Variants in CHSY1 observed in about 807,000 individuals in gnomAD.
The protein encoded by CHSY1 is N-acetylgalactosaminyl-proteoglycan 3-beta-glucuronosyltransferase 1.
In CHSY1, 13 loss-of-function variants were observed where a neutral mutation model predicts 59.8. The observed-to-expected ratio is 0.22, with a 90% confidence interval of 0.14 to 0.35. The LOEUF is 0.35. CHSY1 is among the 10% of genes least tolerant of loss of function. The pLI is 1.00. For synonymous variants in CHSY1, 459 were observed against 401.2 expected, an observed-to-expected ratio of 1.14 and a Z score of -1.72; for missense variants, 947 against 1,030.6, an observed-to-expected ratio of 0.92 and a Z score of 1.11.
intron 2 of CHSY1, among the ~76,000 whole-genome samples, chr15:101,181,266 GC>G (rs755144830): frequency 2.6e-5 from 4 of 152,240 alleles, no homozygotes; most frequent in Non-Finnish European, 5.9e-5. Flanking sequence ...CTGAGAGCTA[GC>G]AGAGTCATGA....
chr15:101,195,961 A>C (rs2038502222), intron 2 of CHSY1, among the ~76,000 whole-genome samples: 1 of 152,098 alleles, frequency 6.6e-6, no homozygotes, highest in Non-Finnish European at 1.5e-5. Flanking sequence ...AAAAATGGAC[A>C]TACAAGACCA....
At chr15:101,223,047 G>A (rs576012291) in intron 2 of CHSY1, among the ~76,000 whole-genome samples, 2 of 152,342 alleles carry the variant, frequency 1.3e-5, no homozygotes, top group East Asian at 3.9e-4. Flanking sequence ...AGGCTGTAGT[G>A]CAGTGGCGCT....
At chr15:101,191,119 G>A (rs2038438771) in intron 2 of CHSY1, among the ~76,000 whole-genome samples, 1 of 152,170 alleles carries the variant, frequency 6.6e-6, no homozygotes, top group Non-Finnish European at 1.5e-5. Flanking sequence ...TCTGCATATG[G>A]GCGTTTCCAG....
chr15:101,234,261 T>C (rs1284577421), intron 2 of CHSY1, among the ~76,000 whole-genome samples: 2 of 152,242 alleles, frequency 1.3e-5, no homozygotes, highest in Non-Finnish European at 2.9e-5. Context: ...AGTAACTATC[T>C]GAACAGTCAA....
chr15:101,249,530 T>C (rs1201766212), intron 1 of CHSY1, among the ~76,000 whole-genome samples: 2 of 149,084 alleles, frequency 1.3e-5, no homozygotes, highest in Admixed American at 1.3e-4. Flanking sequence ...TTTTTTTTTT[T>C]TGAGATGGAG....
At chr15:101,231,197 G>C (rs8042009) in intron 2 of CHSY1, among the ~76,000 whole-genome samples, 1 of 151,888 alleles carries the variant, frequency 6.6e-6, no homozygotes, top group African/African-American at 2.4e-5. Flanking sequence ...GGGAGCCTTG[G>C]GCTAAATGAC....
At chr15:101,227,350 G>A (rs752272984) in intron 2 of CHSY1, among the ~76,000 whole-genome samples, 5 of 152,102 alleles carry the variant, frequency 3.3e-5, no homozygotes, top group Non-Finnish European at 5.9e-5. Flanking sequence ...ACCTGACTCA[G>A]AATTTTCCTA....
At chr15:101,209,115 C>A (rs2038657686) in intron 2 of CHSY1, among the ~76,000 whole-genome samples, 2 of 152,124 alleles carry the variant, frequency 1.3e-5, no homozygotes, top group African/African-American at 4.8e-5. Context: ...AGTGGAGAAA[C>A]CTGGCCAGGT....
At chr15:101,214,891 G>C (rs2038716524) in intron 2 of CHSY1, among the ~76,000 whole-genome samples, 1 of 151,598 alleles carries the variant, frequency 6.6e-6, no homozygotes, top group African/African-American at 2.4e-5. Flanking sequence ...GAGGTGGCTG[G>C]ATCATGGAGG....
rs2038187983 is a variant in CHSY1, at chr15:101,176,350, C to T, written c.*1038G>A. 1 of 398,426 alleles carries T rather than the reference C, an allele frequency of 2.5e-6. No individual in the cohort carries two copies. The highest frequency in any genetic ancestry group is 4.4e-6 in the Non-Finnish European group (1 of 226,056). 24.7% of individuals were successfully genotyped at this position (398,426 alleles called of 1,614,324 possible). ...GAACAAAACCAAATACATTTTTCCCCAACGTTTTGATTAGGGTGTATGTGT... is the reference window on the plus strand; with the variant it reads ...GAACAAAACCAAATACATTTTTCCCTAACGTTTTGATTAGGGTGTATGTGT... On this transcript the variant is annotated 3_prime_UTR_variant, in exon 3 of 3. Coordinates refer to ENST00000254190, the MANE Select transcript of CHSY1 (RefSeq NM_014918.5).
In CHSY1 at chr15:101,178,927, T is replaced by G. The variant is rs2038237270; in HGVS notation, c.870A>C (p.Arg290Ser). 2.5e-6 allele frequency: 4 copies of G among 1,614,138 alleles called. 1 individual carries two copies. Among genetic ancestry groups the G allele is most frequent in the Middle Eastern group, 1.6e-4 (1 of 6,062 alleles). The change falls in exon 3 of 3, where the codon AGA becomes AGC. Residue 290 changes from arginine to serine, a missense_variant. Around this residue, in one of 4 missense-constraint regions of CHSY1, gnomAD observed 602 missense variants for 676.9 expected, o/e 0.89. Coordinates refer to ENST00000254190, the MANE Select transcript of CHSY1 (RefSeq NM_014918.5). ...NYEQNKKGYI[R>S]DLHNSKIHQA... is the part of the protein sequence containing the mutation. The stretch of plus-strand genomic sequence containing the variant: ...GGTGAATTTTACTGTTATGGAGATC[T>G]CTAATGTACCCCTTTTTGTTCTGCT...
Position 101,251,646 on chromosome 15 carries a change from T to C in CHSY1, c.-190A>G, listed in dbSNP as rs1423641648. 6.9e-6 allele frequency: 1 copy of C among 145,290 alleles called. No individual in the cohort carries two copies. The highest frequency in any genetic ancestry group is 1.5e-5 in the Non-Finnish European group (1 of 65,602). 9.0% of individuals were successfully genotyped at this position (145,290 alleles called of 1,614,324 possible). On this transcript the variant is annotated 5_prime_UTR_variant, in exon 1 of 3. Coordinates refer to ENST00000254190, the MANE Select transcript of CHSY1 (RefSeq NM_014918.5). ...CGCAGGCCCCGCGCCGGCGCTTTGT[T>C]CCGCACGCCCGCCCCCGCCGCCGCG... is the stretch of plus-strand genomic sequence containing the variant.
chr15:101,251,612 C>A lies in CHSY1; in HGVS notation c.-156G>T, dbSNP rs1236271190. On this transcript the variant is annotated 5_prime_UTR_variant, in exon 1 of 3. Coordinates refer to ENST00000254190, the MANE Select transcript of CHSY1 (RefSeq NM_014918.5). The stretch of plus-strand genomic sequence containing the variant: ...GGCCCGCCGCGCCCATCGCGGCCCC[C>A]GAGCCGCCCGCAGGCCCCGCGCCGG... 6.8e-6 allele frequency: 1 copy of A among 146,184 alleles called. No homozygotes were observed. The highest frequency in any genetic ancestry group is 2.5e-5 in the African/African-American group (1 of 40,624). 9.1% of individuals were successfully genotyped at this position (146,184 alleles called of 1,614,324 possible).
chr15:101,216,170 C>T (rs903350984), intron 2 of CHSY1, among the ~76,000 whole-genome samples: 1 of 140,840 alleles, frequency 7.1e-6, no homozygotes, highest in African/African-American at 2.6e-5. Flanking sequence ...GCATTAAAAA[C>T]CTCTTCCTAA....
In CHSY1 at chr15:101,240,885, G is replaced by C. The variant is rs2038994274; in HGVS notation, c.321-5308C>G. Among the ~76,000 whole-genome samples, 3 of 152,110 alleles carry C rather than the reference G, an allele frequency of 2.0e-5. No individual in the cohort carries two copies. The South Asian group carries it at 6.2e-4, about 32-fold the overall frequency. ...GAAAAACTACATAAAATACACTTCT[G>C]TACAAAACTGCATCTATAGCATGAC... On this transcript the variant is annotated intron_variant, in intron 1 of 2. Transcript: ENST00000254190.
chr15:101,220,701 T>G (rs930196342), intron 2 of CHSY1, among the ~76,000 whole-genome samples: 3 of 152,194 alleles, frequency 2.0e-5, no homozygotes, highest in Non-Finnish European at 2.9e-5. Context: ...ACTGTAACCC[T>G]CAATGTTCTT....
chr15:101,177,873 G>A lies in CHSY1; in HGVS notation c.1924C>T (p.Gln642Ter). The change falls in exon 3 of 3, where the codon CAG (glutamine) becomes TAG (stop). Residue 642 changes from glutamine to a stop codon, truncating the protein, a stop_gained. Coordinates refer to ENST00000254190, the MANE Select transcript of CHSY1 (RefSeq NM_014918.5). LOFTEE classifies it high-confidence loss of function. ...VDLVFTTEFL[Q>*]RCRANTVLGQ... ...AGAACTGTATTTGCTCGACATCGCTGAAGGAATTCTGTAGTAAACACGAGG... is the reference window on the plus strand; with the variant it reads ...AGAACTGTATTTGCTCGACATCGCTAAAGGAATTCTGTAGTAAACACGAGG... 1.2e-6 allele frequency: 2 copies of A among 1,614,218 alleles called. No individual in the cohort carries two copies. The highest frequency in any genetic ancestry group is 1.7e-6 in the Non-Finnish European group (2 of 1,180,034).
At chr15:101,202,750 T>G (rs186240030) in intron 2 of CHSY1, among the ~76,000 whole-genome samples, 1 of 152,338 alleles carries the variant, frequency 6.6e-6, no homozygotes, top group African/African-American at 2.4e-5. Flanking sequence ...ATATAAATAG[T>G]AGTTTGCAAA....
intron 2 of CHSY1, among the ~76,000 whole-genome samples, chr15:101,230,682 G>C (rs2038884644): frequency 1.3e-5 from 2 of 152,120 alleles, no homozygotes; most frequent in Admixed American, 1.3e-4. Flanking sequence ...TACACATTTT[G>C]CTGCAAACTC....
Sources: allele counts gnomAD v4.1 joint callset (sites outside exome capture counted in the v4.1 genomes callset), GRCh38; gene constraint gnomAD v4.1.1; regional missense constraint gnomAD v4.1.1; transcripts MANE v1.5; gene names NCBI Gene and HGNC (gene_info 2026-07-23, HGNC 2026-07-21).